The following SLC15A1 variants were observed in gnomAD, a reference collection of about 807,000 sequenced individuals.
SLC15A1 encodes the protein Caco-2 oligopeptide transporter.
SLC15A1 carries 83 observed loss-of-function variants against 92.9 expected under a neutral mutation model. The ratio of observed to expected loss-of-function variants is 0.89; its 90% confidence interval spans 0.75 to 1.07. The LOEUF is 1.07. SLC15A1 is among the 50% of genes least tolerant of loss of function. The pLI, the probability that SLC15A1 is intolerant of heterozygous loss-of-function variation, is 0.00. For missense variants in SLC15A1, 857 were observed against 880.1 expected (o/e 0.97, Z 0.33); for synonymous variants, 322 against 318.2 (o/e 1.01, Z -0.13).
At position 98,704,283 on chromosome 13, in the gene SLC15A1, A is replaced by T; in HGVS notation, c.1416+6T>A. On this transcript the variant is annotated splice_donor_region_variant and intron_variant, in intron 17 of 22. Transcript: ENST00000376503. ...AAGAGTCAGCTGTAGGTCTTCACAC[A>T]CTTACCACCTGGTAGTGATTGGGGG... 1 of 1,588,678 alleles carries T rather than the reference A, an allele frequency of 6.3e-7. No homozygotes were observed. Among genetic ancestry groups the T allele is most frequent in the South Asian group, 1.2e-5 (1 of 86,580 alleles).
intron 1 of SLC15A1, among the ~76,000 whole-genome samples, chr13:98,735,999 T>C (rs1282679446): frequency 6.6e-6 from 1 of 152,068 alleles, no homozygotes; most frequent in Non-Finnish European, 1.5e-5. Flanking sequence ...TACTTTAAAG[T>C]TCATATGAAA....
chr13:98,723,622 G>A (rs2088276602), intron 5 of SLC15A1, among the ~76,000 whole-genome samples: 1 of 152,136 alleles, frequency 6.6e-6, no homozygotes, highest in Admixed American at 6.5e-5. Context: ...ATCCCTCCAG[G>A]GTAGGTCAAG....
At chr13:98,695,346 C>T (rs1318460613) in intron 18 of SLC15A1, among the ~76,000 whole-genome samples, 4 of 152,058 alleles carry the variant, frequency 2.6e-5, no homozygotes, top group Admixed American at 6.6e-5. Flanking sequence ...CTCAGCCTTC[C>T]GAGTAGCTAG....
At chr13:98,698,213 C>A (rs549635073) in intron 18 of SLC15A1, among the ~76,000 whole-genome samples, 1 of 152,280 alleles carries the variant, frequency 6.6e-6, no homozygotes, top group African/African-American at 2.4e-5. Flanking sequence ...TATAAAGTAA[C>A]ATTTTCTCTT....
chr13:98,728,281 G>T (rs890589554), intron 1 of SLC15A1, among the ~76,000 whole-genome samples: 3 of 152,152 alleles, frequency 2.0e-5, no homozygotes, highest in African/African-American at 7.2e-5. Context: ...GACATCAGGT[G>T]GTACCTCTGG....
chr13:98,721,555 A>G lies in SLC15A1; in HGVS notation c.496T>C (p.Phe166Leu), dbSNP rs767195151. 43 of 1,606,908 alleles carry G rather than the reference A, an allele frequency of 2.7e-5. No individual in the cohort carries two copies. Among genetic ancestry groups the G allele is most frequent in the Non-Finnish European group, 3.5e-5 (41 of 1,176,342 alleles). The change falls in exon 7 of 23, where the codon TTT becomes CTT. Residue 166 changes from phenylalanine to leucine, a missense_variant. Physicochemically the swap from Phe to Leu is conservative, Grantham distance 22. Transcript: ENST00000376503. Reference sequence around the variant, plus strand: ...CTTCCAGCATTAATAGCCAAGTAAAAGATGGAAAAAAATCTGTTTCTTTGT... The same window carrying G: ...CTTCCAGCATTAATAGCCAAGTAAAGGATGGAAAAAAATCTGTTTCTTTGT... Reference protein sequence around the residue: ...EKQRNRFFSIFYLAINAGSLL... With the variant: ...EKQRNRFFSILYLAINAGSLL...
At chr13:98,745,098 G>A (rs1264834019) in intron 1 of SLC15A1, among the ~76,000 whole-genome samples, 7 of 152,148 alleles carry the variant, frequency 4.6e-5, no homozygotes, top group African/African-American at 9.7e-5. Context: ...GAATGGGAAC[G>A]TCGTTTTTAG....
intron 5 of SLC15A1, 57 bp downstream of exon 5, chr13:98,723,855 G>A (rs1157615253): frequency 1.9e-6 from 3 of 1,608,012 alleles, no homozygotes; most frequent in East Asian, 4.5e-5. Flanking sequence ...AAGACTTAAG[G>A]CATCAAATGC....
chr13:98,721,447 G>A, intron 7 of SLC15A1, 48 bp downstream of exon 7: 1 of 1,272,148 alleles, frequency 7.9e-7, no homozygotes, highest in Non-Finnish European at 1.1e-6. Context: ...CACGGACTTG[G>A]CCTTACTAAA....
chr13:98,726,888 A>C (rs2088306128), intron 1 of SLC15A1, 29 bp from the exon 2 acceptor site: 2 of 1,612,252 alleles, frequency 1.2e-6, no homozygotes. Context: ...CCCAATATTA[A>C]AGTCAAGCCA....
At chr13:98,685,143 G>A (rs1018503986) in intron 22 of SLC15A1, among the ~76,000 whole-genome samples, 1 of 152,164 alleles carries the variant, frequency 6.6e-6, no homozygotes, top group Non-Finnish European at 1.5e-5. Context: ...ACAGCACTAA[G>A]GTACAGAAAC....
chr13:98,707,575 T>C (rs930803602), intron 15 of SLC15A1, among the ~76,000 whole-genome samples: 22 of 152,138 alleles, frequency 1.4e-4, no homozygotes, highest in Middle Eastern at 3.4e-3. Flanking sequence ...TGCACAACAA[T>C]GGAAAGGTAC....
In SLC15A1 at chr13:98,746,176, C is replaced by T. The variant is rs375516083; in HGVS notation, c.4+6419G>A. 4.0e-4 allele frequency among the ~76,000 whole-genome samples: 61 copies of T among 152,270 alleles called. 1 individual carries two copies. The South Asian group carries it at 0.011, about 27-fold the overall frequency. On this transcript the variant is annotated intron_variant, in intron 1 of 22. Coordinates refer to ENST00000376503, the MANE Select transcript of SLC15A1 (RefSeq NM_005073.4). ...TGCTGAGGATAATGGCCTCCGGCTC[C>T]ATCCATGTTCCTATAAAGGACATGA...
chr13:98,752,486 C>A (rs2088555037), intron 1 of SLC15A1, 109 bp downstream of exon 1: 2 of 1,073,864 alleles, frequency 1.9e-6, no homozygotes, highest in Admixed American at 4.3e-5. Context: ...CGGGTCGCCC[C>A]GCTTCCCGCC....
At chr13:98,742,422 C>G (rs1390044076) in intron 1 of SLC15A1, among the ~76,000 whole-genome samples, 2 of 152,210 alleles carry the variant, frequency 1.3e-5, no homozygotes, top group African/African-American at 4.8e-5. Context: ...TCCTTTAAGA[C>G]AGTTCCTCCC....
chr13:98,706,002 A>G (rs757325034), intron 16 of SLC15A1, 132 bp downstream of exon 16: 5 of 887,704 alleles, frequency 5.6e-6, no homozygotes, highest in South Asian at 1.8e-5. Flanking sequence ...AGCCAACATG[A>G]GATCAAGATC....
intron 1 of SLC15A1, among the ~76,000 whole-genome samples, chr13:98,734,775 A>G (rs2088377975): frequency 6.6e-6 from 1 of 152,226 alleles, no homozygotes; most frequent in African/African-American, 2.4e-5. Context: ...CACCCTCCCA[A>G]GACTAAACCA....
intron 5 of SLC15A1, among the ~76,000 whole-genome samples, chr13:98,722,118 C>T (rs1192153707): frequency 1.3e-5 from 2 of 152,188 alleles, no homozygotes; most frequent in Non-Finnish European, 2.9e-5. Context: ...AATAATTTAC[C>T]ATCCGGAAAA....
intron 14 of SLC15A1, among the ~76,000 whole-genome samples, chr13:98,709,137 T>C (rs578163951): frequency 1.3e-5 from 2 of 152,086 alleles, no homozygotes; most frequent in Admixed American, 6.5e-5. Context: ...CCAGCTTATT[T>C]TTCGTATTTT....
Sources: gnomAD v4.1 joint callset for allele counts (sites outside exome capture counted in the v4.1 genomes callset) on GRCh38, gnomAD v4.1.1 for gene constraint, MANE v1.5 for transcripts, NCBI Gene and HGNC (gene_info 2026-07-23, HGNC 2026-07-21) for gene names.